SUGCT: variants seen among roughly 807,000 people sequenced by gnomAD.
SUGCT encodes succinyl-CoA:glutarate CoA-transferase.
In SUGCT, 41 loss-of-function variants were observed where a neutral mutation model predicts 55.0. The observed-to-expected ratio is 0.74, with a 90% CI of 0.58 to 0.97. The LOEUF (loss-of-function observed/expected upper bound fraction) is 0.97, where lower values mean the gene tolerates loss of function less well. Ranked by LOEUF, SUGCT falls within the 50% of genes least tolerant of loss-of-function variation. The pLI is 0.00. For synonymous variants in SUGCT, 187 were observed against 200.4 expected (o/e 0.93, Z 0.56); for missense variants, 568 against 547.8 (o/e 1.04, Z -0.37).
chr7:40,790,211 TA>T (rs1260173269), intron 13 of SUGCT, among the ~76,000 whole-genome samples: 1 of 152,188 alleles, frequency 6.6e-6, no homozygotes, highest in Non-Finnish European at 1.5e-5. Flanking sequence ...TACCCCCAGC[TA>T]CTGTTCTCAT....
intron 13 of SUGCT, among the ~76,000 whole-genome samples, chr7:40,752,472 C>T (rs1788065280): frequency 6.6e-6 from 1 of 152,212 alleles, no homozygotes; most frequent in South Asian, 2.1e-4. Flanking sequence ...TCCCCTGCCT[C>T]AGCCTCCTGA....
At chr7:40,975,656 G>A in the SUGCT span, among the ~76,000 whole-genome samples, 3 of 152,162 alleles carry the variant, frequency 2.0e-5, no homozygotes, top group Non-Finnish European at 4.4e-5. Context: ...AATGGGAAGA[G>A]TATGCCTTTG....
intron 11 of SUGCT, among the ~76,000 whole-genome samples, chr7:40,484,945 T>G (rs1791248745): frequency 6.6e-6 from 1 of 152,106 alleles, no homozygotes; most frequent in African/African-American, 2.4e-5. Flanking sequence ...AATGTTTACG[T>G]GAATTTAAAA....
the SUGCT span, among the ~76,000 whole-genome samples, chr7:40,914,393 G>T: frequency 6.6e-6 from 1 of 151,366 alleles, no homozygotes. Flanking sequence ...TCGTCATCTA[G>T]CATTAGGTTA....
intron 12 of SUGCT, among the ~76,000 whole-genome samples, chr7:40,512,999 A>G (rs1793017580): frequency 6.6e-6 from 1 of 152,184 alleles, no homozygotes; most frequent in Non-Finnish European, 1.5e-5. Flanking sequence ...CCTGAGTATC[A>G]ATATCCTTCT....
the SUGCT span, among the ~76,000 whole-genome samples, chr7:40,945,603 TG>T: frequency 1.3e-5 from 2 of 152,172 alleles, no homozygotes; most frequent in African/African-American, 4.8e-5. Flanking sequence ...GGGGTAGAAC[TG>T]TAGGCTTTCC....
At chr7:40,964,004 C>A in the SUGCT span, among the ~76,000 whole-genome samples, 1 of 152,164 alleles carries the variant, frequency 6.6e-6, no homozygotes, top group Non-Finnish European at 1.5e-5. Context: ...GAACTGATGT[C>A]CCCCAGCCCG....
intron 12 of SUGCT, among the ~76,000 whole-genome samples, chr7:40,690,600 C>G (rs1025267530): frequency 6.6e-6 from 1 of 151,450 alleles, no homozygotes; most frequent in African/African-American, 2.4e-5. Context: ...CAAGGTGAAA[C>G]TCTGTCGCTC....
the SUGCT span, among the ~76,000 whole-genome samples, chr7:40,867,618 C>A: frequency 6.6e-6 from 1 of 152,104 alleles, no homozygotes; most frequent in East Asian, 1.9e-4. Flanking sequence ...AAAAGTAGTC[C>A]CACAAAATGA....
intron 12 of SUGCT, among the ~76,000 whole-genome samples, chr7:40,680,392 A>G (rs1412971903): frequency 6.6e-6 from 1 of 152,178 alleles, no homozygotes; most frequent in Non-Finnish European, 1.5e-5. Flanking sequence ...CTTATTCATG[A>G]GTGTTACTTA....
chr7:40,669,782 A>G (rs1801840525), intron 12 of SUGCT, among the ~76,000 whole-genome samples: 1 of 152,060 alleles, frequency 6.6e-6, no homozygotes, highest in Non-Finnish European at 1.5e-5. Context: ...CTAGAAAAAA[A>G]GAAATAAGCA....
intron 10 of SUGCT, among the ~76,000 whole-genome samples, chr7:40,454,130 C>T (rs1034138806): frequency 6.6e-6 from 1 of 152,106 alleles, no homozygotes; most frequent in Non-Finnish European, 1.5e-5. Flanking sequence ...AAAGATAGCT[C>T]CTTCCTACTC....
chr7:40,317,504 C>T (rs887621850), intron 9 of SUGCT, among the ~76,000 whole-genome samples: 1 of 152,204 alleles, frequency 6.6e-6, no homozygotes, highest in Non-Finnish European at 1.5e-5. Context: ...ATTAATGTAT[C>T]TGCATATCTC....
At chr7:40,304,142 T>C (rs1269386464) in intron 8 of SUGCT, among the ~76,000 whole-genome samples, 1 of 151,214 alleles carries the variant, frequency 6.6e-6, no homozygotes, top group East Asian at 1.9e-4. Context: ...GAGGAAAATG[T>C]GACAAATAGA....
At chr7:40,772,868 G>T (rs534919633) in intron 13 of SUGCT, among the ~76,000 whole-genome samples, 1 of 152,090 alleles carries the variant, frequency 6.6e-6, no homozygotes, top group Admixed American at 6.5e-5. Context: ...CAAGCAATCT[G>T]CCCGCCACGG....
At chr7:40,565,162 A>G (rs1022058521) in intron 12 of SUGCT, among the ~76,000 whole-genome samples, 1 of 152,212 alleles carries the variant, frequency 6.6e-6, no homozygotes, top group Non-Finnish European at 1.5e-5. Flanking sequence ...TTCTCCTTTT[A>G]GTAGCGTTCT....
At chr7:40,940,485 C>T in the SUGCT span, among the ~76,000 whole-genome samples, 27 of 152,050 alleles carry the variant, frequency 1.8e-4, no homozygotes, top group Non-Finnish European at 3.4e-4. Flanking sequence ...TGGTTATTTT[C>T]ATGATATTGA....
intron 9 of SUGCT, among the ~76,000 whole-genome samples, chr7:40,443,944 T>C (rs1453675920): frequency 6.6e-6 from 1 of 152,240 alleles, no homozygotes; most frequent in Non-Finnish European, 1.5e-5. Context: ...TACATATGGC[T>C]AGCCAGTTTT....
chr7:40,482,487 C>T lies in SUGCT; in HGVS notation c.987-13797C>T, dbSNP rs978411225. Among the ~76,000 whole-genome samples, 6 of 152,036 alleles carry T rather than the reference C, an allele frequency of 3.9e-5. No individual in the cohort carries two copies. The East Asian group carries it at 5.8e-4, about 15-fold the overall frequency. On this transcript the variant is annotated intron_variant, in intron 11 of 13. Transcript: ENST00000335693. ...ATTTTATTTCTTCTTTTCTCTCTGT[C>T]GATATTTAAATATTTTTTCTTTAAT...
Sources: allele counts gnomAD v4.1 joint callset (sites outside exome capture counted in the v4.1 genomes callset), GRCh38; gene constraint gnomAD v4.1.1; transcripts MANE v1.5; gene names NCBI Gene and HGNC (gene_info 2026-07-23, HGNC 2026-07-21).